The following SHROOM4 variants were observed in gnomAD, a reference collection of about 807,000 sequenced individuals.
SHROOM4 encodes the protein shroom family member 4.
Under a neutral mutation model 80.3 loss-of-function variants are expected in SHROOM4, and 17 were observed. The ratio of observed to expected loss-of-function variants is 0.21; its 90% CI spans 0.14 to 0.32. The LOEUF (loss-of-function observed/expected upper bound fraction) is 0.32, where lower values mean the gene tolerates loss of function less well. Ranked by LOEUF, SHROOM4 falls within the 10% of genes least tolerant of loss-of-function variation. SHROOM4 has a pLI of 1.00. For missense variants in SHROOM4, 993 were observed against 1,140.3 expected, an observed-to-expected ratio of 0.87 and a Z score of 1.86; for synonymous variants, 400 against 437.5, an observed-to-expected ratio of 0.91 and a Z score of 1.07.
At chrX:50,645,994 G>A (rs991487300) in intron 2 of SHROOM4, among the ~76,000 whole-genome samples, 9 of 111,359 alleles carry the variant, frequency 8.1e-5, no homozygotes, top group East Asian at 2.8e-4. Flanking sequence ...AGTATCTTCC[G>A]ATAGCACCAT....
At chrX:50,660,508 TTC>T (rs782511926) in intron 2 of SHROOM4, among the ~76,000 whole-genome samples, 1,051 of 86,060 alleles carry the variant, frequency 0.012, 36 homozygotes, top group African/African-American at 0.052. Context: ...AGTGTTGAGC[TTC>T]TCTCTCTCTC....
chrX:50,590,147 G>A lies in SHROOM4; in HGVS notation c.*6548C>T, dbSNP rs1272937234. ...CCTAATCCCCAATGTGATGGCATAT[G>A]GAGGTGGGGCCTTTGAGAGGTAAAT... On this transcript the variant is annotated 3_prime_UTR_variant, in exon 9 of 9. Transcript: ENST00000376020. Among the ~76,000 whole-genome samples, 1 of 111,759 alleles carries A rather than the reference G, an allele frequency of 8.9e-6. No homozygotes were observed. The highest frequency in any genetic ancestry group is 1.9e-5 in the Non-Finnish European group (1 of 53,145).
At chrX:50,610,564 T>A (rs1303428329) in intron 5 of SHROOM4, among the ~76,000 whole-genome samples, 7 of 111,927 alleles carry the variant, frequency 6.3e-5, no homozygotes, top group Admixed American at 9.5e-5. Context: ...TTTACTTGAT[T>A]ATTTTCTGCT....
At chrX:50,579,967 T>C in the SHROOM4 span, among the ~76,000 whole-genome samples, 1 of 111,810 alleles carries the variant, frequency 8.9e-6, no homozygotes, top group Non-Finnish European at 1.9e-5. Context: ...GTAGTTTACT[T>C]GCTGTGTTCA....
chrX:50,762,077 G>T (rs782748889), intron 1 of SHROOM4, among the ~76,000 whole-genome samples: 2 of 111,257 alleles, frequency 1.8e-5, no homozygotes, highest in South Asian at 7.6e-4. Flanking sequence ...TTCTTCCTTT[G>T]TGTTTTTATT....
chrX:50,686,120 C>G (rs1439982315), intron 2 of SHROOM4, among the ~76,000 whole-genome samples: 1 of 109,168 alleles, frequency 9.2e-6, no homozygotes, highest in Admixed American at 9.7e-5. Context: ...AGCTCCGCCT[C>G]CCGGGTTCAC....
intron 2 of SHROOM4, among the ~76,000 whole-genome samples, chrX:50,668,612 TGAAA>T (rs1189661870): frequency 1.8e-5 from 2 of 111,787 alleles, no homozygotes; most frequent in Admixed American, 1.9e-4. Context: ...TCAAACTGAA[TGAAA>T]GAGAGATAAT....
intron 1 of SHROOM4, among the ~76,000 whole-genome samples, chrX:50,741,294 A>C (rs2147574317): frequency 9.0e-6 from 1 of 110,807 alleles, no homozygotes; most frequent in South Asian, 3.9e-4. Flanking sequence ...GGGGAAGGGA[A>C]GAGCGGGGAA....
chrX:50,669,431 G>C (rs1266831304), intron 2 of SHROOM4, among the ~76,000 whole-genome samples: 1 of 110,783 alleles, frequency 9.0e-6, no homozygotes, highest in Non-Finnish European at 1.9e-5. Flanking sequence ...TCAGTCTCTT[G>C]AGTAGCTGGG....
At chrX:50,779,723 A>G (rs1557270456) in intron 1 of SHROOM4, among the ~76,000 whole-genome samples, 1 of 112,042 alleles carries the variant, frequency 8.9e-6, no homozygotes, top group Admixed American at 9.5e-5. Context: ...TCTCCTGGAC[A>G]TTGCTATCTC....
chrX:50,646,351 C>T (rs886307009), intron 2 of SHROOM4, among the ~76,000 whole-genome samples: 15 of 110,657 alleles, frequency 1.4e-4, no homozygotes, highest in African/African-American at 4.9e-4. Context: ...ACAGACAAGC[C>T]GGAGGACAGA....
rs1557247855 is a variant in SHROOM4, at chrX:50,602,671, C to T, written c.3904G>A (p.Gly1302Arg). The T allele has an allele frequency of 1.7e-6, 2 of 1,211,566 alleles. No homozygotes were observed. The highest frequency in any genetic ancestry group is 3.0e-5 in the East Asian group (1 of 33,823). ...DQPEMAEIGL[G>R]EEEVDHELAQ... The stretch of plus-strand genomic sequence containing the variant: ...AGTTCATGGTCAACTTCCTCCTCTC[C>T]TAGGCCAATCTCTGCCATCTCAGGT... The change falls in exon 7 of 9, where the codon GGA (glycine) becomes AGA (arginine). Residue 1302 changes from glycine to arginine, a missense_variant. Physicochemically the swap from Gly to Arg is moderately radical, Grantham distance 125. Coordinates refer to ENST00000376020, the MANE Select transcript of SHROOM4 (RefSeq NM_020717.5).
intron 2 of SHROOM4, among the ~76,000 whole-genome samples, chrX:50,672,424 T>C (rs919586059): frequency 2.7e-4 from 30 of 111,022 alleles, no homozygotes; most frequent in African/African-American, 8.8e-4. Context: ...ATCTCAACAG[T>C]AGAATGGAGA....
chrX:50,651,458 T>G (rs1932056129), intron 2 of SHROOM4, among the ~76,000 whole-genome samples: 1 of 111,228 alleles, frequency 9.0e-6, no homozygotes, highest in African/African-American at 3.3e-5. Context: ...CCAAATAGTG[T>G]TTTTCAAAGT....
At chrX:50,687,391 C>T (rs1933104816) in intron 2 of SHROOM4, among the ~76,000 whole-genome samples, 1 of 110,198 alleles carries the variant, frequency 9.1e-6, no homozygotes, top group Admixed American at 9.7e-5. Context: ...GATTTGGCCA[C>T]AGACCATAGT....
chrX:50,707,866 G>A (rs1203309031), intron 1 of SHROOM4, among the ~76,000 whole-genome samples: 2 of 111,726 alleles, frequency 1.8e-5, no homozygotes, highest in Non-Finnish European at 3.8e-5. Flanking sequence ...GTCAGAAGAT[G>A]AGAACAGGAC....
intron 2 of SHROOM4, among the ~76,000 whole-genome samples, chrX:50,662,550 T>G (rs782799629): frequency 1.1e-4 from 12 of 111,233 alleles, no homozygotes; most frequent in Non-Finnish European, 2.3e-4. Flanking sequence ...TTCTAGAAAG[T>G]GCTCAACAGT....
intron 6 of SHROOM4, among the ~76,000 whole-genome samples, chrX:50,605,885 C>T (rs1929641681): frequency 8.9e-6 from 1 of 112,177 alleles, no homozygotes; most frequent in Admixed American, 9.4e-5. Flanking sequence ...AATGTTCATC[C>T]ATTCATTTAT....
chrX:50,791,905 T>C (rs1027547526), intron 1 of SHROOM4, among the ~76,000 whole-genome samples: 5 of 110,843 alleles, frequency 4.5e-5, no homozygotes, highest in African/African-American at 1.6e-4. Flanking sequence ...CCCACCCATA[T>C]ACGACCAAGT....
Sources: allele counts gnomAD v4.1 joint callset (sites outside exome capture counted in the v4.1 genomes callset), GRCh38; gene constraint gnomAD v4.1.1; transcripts MANE v1.5; gene names NCBI Gene and HGNC (gene_info 2026-07-23, HGNC 2026-07-21).